The following ZNF678 variants were observed in gnomAD, a reference collection of about 807,000 sequenced individuals.
ZNF678 encodes hypothetical protein MGC42493.
A neutral mutation model predicts 3.0 loss-of-function variants in ZNF678; 5 were observed. The ratio of observed to expected loss-of-function variants is 1.69; its 90% CI spans 0.88 to 3.56. ZNF678 has a LOEUF of 3.56. Ranked by LOEUF, ZNF678 falls within the 30% of genes most tolerant of loss-of-function variation. The probability of loss-of-function intolerance (pLI) is 0.00; values close to 1 mark genes in which losing one functional copy is unlikely to be tolerated. For synonymous variants in ZNF678, 218 were observed against 199.6 expected (o/e 1.09, Z -0.78); for missense variants, 593 against 605.0 (o/e 0.98, Z 0.21).
chr1:227,602,999 C>G (rs1172542123), intron 1 of ZNF678, among the ~76,000 whole-genome samples: 6 of 152,204 alleles, frequency 3.9e-5, no homozygotes, highest in African/African-American at 1.4e-4. Context: ...ATACCAAGAT[C>G]TCCTGGAGGG....
At chr1:227,630,829 T>C (rs1040178372) in intron 1 of ZNF678, among the ~76,000 whole-genome samples, 1 of 152,174 alleles carries the variant, frequency 6.6e-6, no homozygotes, top group Admixed American at 6.5e-5. Flanking sequence ...GGAGGTAGAC[T>C]CTGAGAGCTT....
At position 227,650,999 on chromosome 1, in the gene ZNF678, CA is replaced by C; in HGVS notation, c.10del (p.Ile4TyrfsTer41). MG[T>X]ISLCIGVCAF... is the part of the protein sequence containing the mutation. ...AAAATAGAAGCATTGATAATGGGCA[CA>C]ATATCACTTTGCATTGGTGTCTGTG... On this transcript the variant is annotated frameshift_variant, in exon 3 of 4. Transcript: ENST00000343776. LOFTEE classifies it high-confidence loss of function. 6.2e-7 allele frequency: 1 copy of C among 1,612,798 alleles called. No individual in the cohort carries two copies. Among genetic ancestry groups the C allele is most frequent in the African/African-American group, 1.3e-5 (1 of 74,944 alleles).
At chr1:227,673,121 G>A (rs2102821693) in intron 5 of ZNF678, among the ~76,000 whole-genome samples, 1 of 152,262 alleles carries the variant, frequency 6.6e-6, no homozygotes, top group African/African-American at 2.4e-5. Flanking sequence ...CAGGAACTCA[G>A]AAAGTGAGCT....
chr1:227,667,351 T>TA (rs1346607425), downstream of ZNF678, among the ~76,000 whole-genome samples: 2 of 152,014 alleles, frequency 1.3e-5, no homozygotes, highest in Non-Finnish European at 2.9e-5. Context: ...CAGAAAAAGA[T>TA]AAAAAAGGTC....
chr1:227,593,050 T>C (rs1322034308), intron 1 of ZNF678, among the ~76,000 whole-genome samples: 1 of 152,262 alleles, frequency 6.6e-6, no homozygotes, highest in African/African-American at 2.4e-5. Context: ...AGACGGAAGC[T>C]GGATGGCCCT....
At chr1:227,633,650 C>A (rs1299663519) in intron 1 of ZNF678, among the ~76,000 whole-genome samples, 1 of 152,154 alleles carries the variant, frequency 6.6e-6, no homozygotes, top group African/African-American at 2.4e-5. Context: ...TCAGCTGACA[C>A]CCACCCAGGG....
At chr1:227,570,429 A>G (rs1170305954) in intron 1 of ZNF678, among the ~76,000 whole-genome samples, 1 of 152,198 alleles carries the variant, frequency 6.6e-6, no homozygotes, top group East Asian at 1.9e-4. Context: ...ATTGCTTTGG[A>G]TAATATGACA....
In ZNF678 at chr1:227,659,195, ATCTTT is replaced by A. The variant is rs1659334134; in HGVS notation, c.*3372_*3376del. 1 of 152,044 alleles carries A rather than the reference ATCTTT, an allele frequency of 6.6e-6. No individual in the cohort carries two copies. The highest frequency in any genetic ancestry group is 1.5e-5 in the Non-Finnish European group (1 of 67,996). The allele number at this position is 152,044 out of a possible 1,614,324, so 9.4% of individuals were successfully genotyped here. Reference sequence around the variant, plus strand: ...TTCTGTGGATTTAAATTTTGGAATAATCTTTTCTTCCCCATTGATACTGGAATCTT... The same window carrying A: ...TTCTGTGGATTTAAATTTTGGAATAATCTTCCCCATTGATACTGGAATCTT... On this transcript the variant is annotated 3_prime_UTR_variant, in exon 4 of 4. Coordinates refer to ENST00000343776, the MANE Select transcript of ZNF678 (RefSeq NM_001367909.1).
At chr1:227,631,321 A>G (rs1658542966) in intron 1 of ZNF678, among the ~76,000 whole-genome samples, 1 of 151,840 alleles carries the variant, frequency 6.6e-6, no homozygotes, top group Non-Finnish European at 1.5e-5. Context: ...CCATTTTCCC[A>G]CCTTTCTTGA....
chr1:227,602,567 TTA>T (rs1451566376), intron 1 of ZNF678, among the ~76,000 whole-genome samples: 1 of 152,182 alleles, frequency 6.6e-6, no homozygotes, highest in Non-Finnish European at 1.5e-5. Context: ...ACTTGAAAAT[TTA>T]TGTTTTGTGT....
chr1:227,577,977 T>C (rs1196061453), intron 1 of ZNF678, among the ~76,000 whole-genome samples: 2 of 152,208 alleles, frequency 1.3e-5, no homozygotes, highest in African/African-American at 2.4e-5. Context: ...AAGGATCTTA[T>C]TTCTTTTTTG....
Position 227,658,276 on chromosome 1 carries a change from G to C in ZNF678, c.*2448G>C, listed in dbSNP as rs1461896627. 1 of 151,868 alleles carries C rather than the reference G, an allele frequency of 6.6e-6. No individual in the cohort carries two copies. Among genetic ancestry groups the C allele is most frequent in the Non-Finnish European group, 1.5e-5 (1 of 67,910 alleles). The allele number at this position is 151,868 out of a possible 1,614,324, so 9.4% of individuals were successfully genotyped here. On this transcript the variant is annotated 3_prime_UTR_variant, in exon 4 of 4. Transcript: ENST00000343776. ...GCTTCATAATTCACAAAGTTGTTTTGACATATAAATGAGGTGAACAAACAC... is the reference window on the plus strand; with the variant it reads ...GCTTCATAATTCACAAAGTTGTTTTCACATATAAATGAGGTGAACAAACAC...
intron 5 of ZNF678, among the ~76,000 whole-genome samples, chr1:227,676,147 T>C (rs1659676467): frequency 6.6e-6 from 1 of 152,190 alleles, no homozygotes; most frequent in African/African-American, 2.4e-5. Flanking sequence ...ATAACCACAA[T>C]TCTTCCCTCA....
intron 1 of ZNF678, among the ~76,000 whole-genome samples, chr1:227,636,375 C>G (rs928022100): frequency 6.6e-6 from 1 of 152,214 alleles, no homozygotes; most frequent in Non-Finnish European, 1.5e-5. Flanking sequence ...CCCTCTTCTT[C>G]TAATAAGTAG....
chr1:227,575,363 T>G (rs1420112003), intron 1 of ZNF678, among the ~76,000 whole-genome samples: 1 of 152,216 alleles, frequency 6.6e-6, no homozygotes, highest in Non-Finnish European at 1.5e-5. Flanking sequence ...ATACTGATTT[T>G]TTTTCTATCT....
At chr1:227,625,880 C>G (rs1658400202) in intron 1 of ZNF678, among the ~76,000 whole-genome samples, 1 of 152,068 alleles carries the variant, frequency 6.6e-6, no homozygotes. Context: ...CCCTCCAGGA[C>G]AAGTAGGATT....
At position 227,610,423 on chromosome 1, in the gene ZNF678, G is replaced by A. The variant is rs182729545; in HGVS notation, c.-163-36121G>A. Among the ~76,000 whole-genome samples, 52 of 152,262 alleles carry A rather than the reference G, an allele frequency of 3.4e-4. No homozygotes were observed. In the Middle Eastern group the frequency reaches 0.01, roughly 30 times the overall value. The stretch of plus-strand genomic sequence containing the variant: ...TTAGTGTAGTTTTAAATCCGGAAGT[G>A]TGTGCCCTAAAACCCATGGGCATTT... On this transcript the variant is annotated intron_variant, in intron 1 of 3. Transcript: ENST00000343776.
chr1:227,620,172 C>G (rs2102769127), intron 1 of ZNF678, among the ~76,000 whole-genome samples: 1 of 152,240 alleles, frequency 6.6e-6, no homozygotes, highest in South Asian at 2.1e-4. Context: ...CCACCCTGGG[C>G]TACATTTCCA....
At position 227,566,813 on chromosome 1, in the gene ZNF678, C is replaced by A. The variant is rs1207755525; in HGVS notation, c.-164+3089C>A. Among the ~76,000 whole-genome samples, 2 of 152,232 alleles carry A rather than the reference C, an allele frequency of 1.3e-5. 1 individual carries two copies. ...CTTCATTTGTTAAAAAACTCATTTACCTTTTTCTTCATCAGAGTGAGTGTA... is the reference window on the plus strand; with the variant it reads ...CTTCATTTGTTAAAAAACTCATTTAACTTTTTCTTCATCAGAGTGAGTGTA... On this transcript the variant is annotated intron_variant, in intron 1 of 3. Transcript: ENST00000343776.
Sources: gnomAD v4.1 joint callset for allele counts (sites outside exome capture counted in the v4.1 genomes callset) on GRCh38, gnomAD v4.1.1 for gene constraint, MANE v1.5 for transcripts, NCBI Gene and HGNC (gene_info 2026-07-23, HGNC 2026-07-21) for gene names.